MAP4: variants seen among roughly 807,000 people sequenced by gnomAD.
The protein encoded by MAP4 is microtubule-associated protein 4.
MAP4 carries 76 observed loss-of-function variants against 170.2 expected under a neutral mutation model. The ratio of observed to expected loss-of-function variants is 0.45; its 90% confidence interval spans 0.37 to 0.54. The LOEUF is 0.54. Among genes scored for constraint, MAP4 ranks in the 20% least tolerant of loss-of-function variants. MAP4 has a pLI of 0.00. For missense variants in MAP4, 2,506 were observed against 2,748.0 expected (o/e 0.91, Z 1.97); for synonymous variants, 909 against 994.5 (o/e 0.91, Z 1.62).
chr3:48,056,821 G>T (rs1237096643), intron 1 of MAP4, among the ~76,000 whole-genome samples: 1 of 85,972 alleles, frequency 1.2e-5, no homozygotes, highest in Non-Finnish European at 2.2e-5. Context: ...CCGGCCAGCC[G>T]ACCCGTCCGG....
intron 10 of MAP4, among the ~76,000 whole-genome samples, chr3:47,878,101 T>G (rs559878825): frequency 2.0e-5 from 3 of 152,154 alleles, no homozygotes; most frequent in Non-Finnish European, 4.4e-5. Context: ...TAAGGCAACA[T>G]AGCCTCCTCT....
At chr3:47,872,146 C>A in intron 12 of MAP4, 46 bp from the exon 13 acceptor site, 1 of 1,495,106 alleles carries the variant, frequency 6.7e-7, no homozygotes, top group Non-Finnish European at 9.1e-7. Flanking sequence ...CAGCAATAGC[C>A]CCAAGGAGTC....
intron 3 of MAP4, among the ~76,000 whole-genome samples, chr3:47,951,333 C>T (rs1004961948): frequency 1.3e-5 from 2 of 151,960 alleles, no homozygotes; most frequent in Non-Finnish European, 2.9e-5. Flanking sequence ...TCTCCCTCCT[C>T]TCCCTCCTCT....
intron 1 of MAP4, among the ~76,000 whole-genome samples, chr3:48,087,986 C>G (rs1380557253): frequency 2.0e-5 from 3 of 152,152 alleles, no homozygotes; most frequent in Non-Finnish European, 4.4e-5. Flanking sequence ...ACTGCCTCTT[C>G]CCCAAAGCAG....
intron 19 of MAP4, among the ~76,000 whole-genome samples, chr3:47,854,013 C>T (rs1400749828): frequency 6.6e-6 from 1 of 152,130 alleles, no homozygotes; most frequent in South Asian, 2.1e-4. Context: ...AGAACAGCTG[C>T]GAGAGGCCAC....
intron 11 of MAP4, 45 bp from the exon 12 acceptor site, chr3:47,875,945 G>T: frequency 7.5e-7 from 1 of 1,337,688 alleles, no homozygotes; most frequent in South Asian, 1.3e-5. Flanking sequence ...TTTTTTAAAG[G>T]GCAACATCAA....
intron 3 of MAP4, among the ~76,000 whole-genome samples, chr3:47,949,544 T>A (rs1434753764): frequency 6.7e-6 from 1 of 149,664 alleles, no homozygotes; most frequent in African/African-American, 2.5e-5. Context: ...AACAACATAG[T>A]ACCAGGAATG....
At chr3:47,993,293 T>A (rs921455110) in intron 2 of MAP4, among the ~76,000 whole-genome samples, 2 of 151,904 alleles carry the variant, frequency 1.3e-5, no homozygotes, top group Non-Finnish European at 2.9e-5. Flanking sequence ...CTGTAAATAG[T>A]CACTATACTC....
chr3:47,888,138 G>A (rs139176422), intron 10 of MAP4, among the ~76,000 whole-genome samples: 11 of 152,294 alleles, frequency 7.2e-5, no homozygotes, highest in South Asian at 2.1e-4. Flanking sequence ...ATGGGGACAC[G>A]GAGAACCTTT....
intron 3 of MAP4, among the ~76,000 whole-genome samples, chr3:47,952,929 A>G (rs2100065430): frequency 6.6e-6 from 1 of 151,968 alleles, no homozygotes; most frequent in Non-Finnish European, 1.5e-5. Flanking sequence ...ATCTCAAAAA[A>G]TAAATAAAAT....
At chr3:47,996,003 T>C (rs939444208) in intron 2 of MAP4, among the ~76,000 whole-genome samples, 1 of 152,164 alleles carries the variant, frequency 6.6e-6, no homozygotes, top group East Asian at 1.9e-4. Flanking sequence ...ATTTGCAGGA[T>C]TGTCTTCACA....
chr3:47,980,369 T>G (rs940219284), intron 2 of MAP4, among the ~76,000 whole-genome samples: 1 of 152,206 alleles, frequency 6.6e-6, no homozygotes, highest in Non-Finnish European at 1.5e-5. Context: ...AATTCAGAGA[T>G]ATTATTCCTA....
chr3:47,875,547 TCACCCTCTCCCC>T (rs1275724227), intron 12 of MAP4, 126 bp downstream of exon 12: 1 of 822,032 alleles, frequency 1.2e-6, no homozygotes, highest in Non-Finnish European at 1.9e-6. Context: ...AATTTTCAAA[TCACCCTCTCCCC>T]CATTTCCCTT....
At chr3:48,062,239 A>G (rs922905180) in intron 1 of MAP4, among the ~76,000 whole-genome samples, 6 of 152,176 alleles carry the variant, frequency 3.9e-5, no homozygotes, top group African/African-American at 1.4e-4. Flanking sequence ...GTGTCCACTC[A>G]GGGTTAAATG....
intron 2 of MAP4, among the ~76,000 whole-genome samples, chr3:47,987,152 T>C (rs2100089211): frequency 6.6e-6 from 1 of 152,220 alleles, no homozygotes; most frequent in Non-Finnish European, 1.5e-5. Context: ...CACTTGTCAC[T>C]GTAACCTTTG....
chr3:47,867,240 A>G lies in MAP4; in HGVS notation c.6501+6T>C. On this transcript the variant is annotated splice_donor_region_variant and intron_variant, in intron 17 of 20. Transcript: ENST00000683076. Reference sequence around the variant, plus strand: ...CAGATGCCAGCTAACCAGAGCTTATACTTACATTACCACCTCCAGGGACAT... The same window carrying G: ...CAGATGCCAGCTAACCAGAGCTTATGCTTACATTACCACCTCCAGGGACAT... The G allele has an allele frequency of 6.3e-7, 1 of 1,599,800 alleles. No homozygotes were observed. Among genetic ancestry groups the G allele is most frequent in the Non-Finnish European group, 8.6e-7 (1 of 1,167,428 alleles).
intron 5 of MAP4, 81 bp from the exon 6 acceptor site, chr3:47,918,922 G>T: frequency 2.4e-6 from 3 of 1,238,704 alleles, no homozygotes; most frequent in Non-Finnish European, 3.4e-6. Flanking sequence ...TTTTTGTTTT[G>T]TTTTGTTTTG....
At chr3:47,987,427 G>C in intron 2 of MAP4, 1 of 1,530,412 alleles carries the variant, frequency 6.5e-7, no homozygotes, top group Non-Finnish European at 8.7e-7. Context: ...TGGGGGTAGT[G>C]GGAGGTCTAG....
intron 1 of MAP4, among the ~76,000 whole-genome samples, chr3:48,014,908 G>C (rs2100107026): frequency 6.6e-6 from 1 of 152,128 alleles, no homozygotes; most frequent in Admixed American, 6.6e-5. Context: ...AGATGTCTGA[G>C]TTCTTGGTTC....
Sources: allele counts gnomAD v4.1 joint callset (sites outside exome capture counted in the v4.1 genomes callset), GRCh38; gene constraint gnomAD v4.1.1; transcripts MANE v1.5; gene names NCBI Gene and HGNC (gene_info 2026-07-23, HGNC 2026-07-21).